SYNE1: variants seen among roughly 807,000 people sequenced by gnomAD.
SYNE1 encodes the protein spectrin repeat containing nuclear envelope protein 1.
A neutral mutation model predicts 1,111.0 loss-of-function variants in SYNE1; 616 were observed. That is an observed-to-expected ratio of 0.55 (90% CI 0.52 to 0.59). SYNE1 has a LOEUF of 0.59. Among genes scored for constraint, SYNE1 ranks in the 20% least tolerant of loss-of-function variants. SYNE1 has a pLI of 0.00. For missense variants in SYNE1, 10,006 were observed against 10,417.0 expected, an observed-to-expected ratio of 0.96 and a Z score of 1.72; for synonymous variants, 3,855 against 3,825.8, an observed-to-expected ratio of 1.01 and a Z score of -0.28.
chr6:152,306,789 G>A (rs902246916), intron 91 of SYNE1, among the ~76,000 whole-genome samples: 28 of 151,364 alleles, frequency 1.8e-4, no homozygotes, highest in Admixed American at 7.9e-4. Context: ...TGGAGGCTGA[G>A]GTGGGAGGAC....
At chr6:152,205,474 G>C (rs2076336336) in intron 126 of SYNE1, among the ~76,000 whole-genome samples, 1 of 152,184 alleles carries the variant, frequency 6.6e-6, no homozygotes, top group African/African-American at 2.4e-5. Context: ...GCTTAGATAG[G>C]CTAAGTTAAC....
At chr6:152,512,931 G>C (rs2099092830) in intron 6 of SYNE1, among the ~76,000 whole-genome samples, 1 of 152,146 alleles carries the variant, frequency 6.6e-6, no homozygotes. Context: ...GGACCATATT[G>C]ACAGATAAAA....
intron 3 of SYNE1, among the ~76,000 whole-genome samples, chr6:152,590,942 C>A (rs1033640321): frequency 6.6e-6 from 1 of 152,110 alleles, no homozygotes. Context: ...GGTAGTCTGA[C>A]AAGAATAGCA....
chr6:152,381,118 T>C lies in SYNE1; in HGVS notation c.8897A>G (p.Glu2966Gly). Residue 2966 changes from glutamate (E) to glycine (G), a missense_variant, in exon 56 of 146, where the codon GAG (glutamate) becomes GGG (glycine). Coordinates refer to ENST00000367255, the MANE Select transcript of SYNE1 (RefSeq NM_182961.4). ...GGCACTGAACTGTTCCAGGGCCTGC[T>C]CCAGTTGAGCCACTTGGCCTGAGAA... ...QEFSGQVAQL[E>G]QALEQFSALL... 6.2e-7 allele frequency: 1 copy of C among 1,614,176 alleles called. No individual in the cohort carries two copies. The highest frequency in any genetic ancestry group is 1.3e-5 in the African/African-American group (1 of 75,042).
chr6:152,333,237 G>C (rs2096289764), intron 77 of SYNE1, among the ~76,000 whole-genome samples: 1 of 152,046 alleles, frequency 6.6e-6, no homozygotes, highest in African/African-American at 2.4e-5. Flanking sequence ...GCTAAGAGGG[G>C]TTCAATAACT....
At position 152,599,773 on chromosome 6, in the gene SYNE1, T is replaced by C. The variant is rs77829841; in HGVS notation, c.67+28492A>G. ...TTACATTGCTATGTCTTCTATTGTTTACTTATCCTACAAAAGCAATGGCAT... is the reference window on the plus strand; with the variant it reads ...TTACATTGCTATGTCTTCTATTGTTCACTTATCCTACAAAAGCAATGGCAT... On this transcript the variant is annotated intron_variant, in intron 3 of 145. Transcript: ENST00000367255. 6.5e-4 allele frequency among the ~76,000 whole-genome samples: 99 copies of C among 152,358 alleles called. 2 individuals carry two copies. The East Asian group carries it at 0.019, about 28-fold the overall frequency.
chr6:152,552,950 T>C (rs1334437289), intron 3 of SYNE1, among the ~76,000 whole-genome samples: 1 of 152,192 alleles, frequency 6.6e-6, no homozygotes, highest in Non-Finnish European at 1.5e-5. Context: ...TGAGTGTCAA[T>C]CCAACCTCAC....
At chr6:152,382,336 G>T (rs973276350) in intron 55 of SYNE1, among the ~76,000 whole-genome samples, 1 of 152,074 alleles carries the variant, frequency 6.6e-6, no homozygotes, top group African/African-American at 2.4e-5. Context: ...CAATTAGCAA[G>T]TAAAGAAACA....
In SYNE1 at chr6:152,262,060, T is replaced by C. The variant is rs1418917785; in HGVS notation, c.18944A>G (p.Asn6315Ser). The C allele has an allele frequency of 6.2e-7, 1 of 1,613,736 alleles. No homozygotes were observed. The part of the protein sequence containing the change: ...EFSTKQKLLQ[N>S]VLEQEQEQVL... ...TTGCTCTTGTTCCTGTTCCAGAACA[T>C]TCTGTAGTAGTTTCTGCTTGGTACT... The change falls in exon 101 of 146, where the codon AAT becomes AGT. Residue 6315 changes from asparagine to serine, a missense_variant. Coordinates refer to ENST00000367255, the MANE Select transcript of SYNE1 (RefSeq NM_182961.4).
intron 145 of SYNE1, chr6:152,125,520 G>A: frequency 2.1e-6 from 2 of 945,152 alleles, no homozygotes; most frequent in South Asian, 2.4e-5. Context: ...AGTGTCTTAA[G>A]AAGGATAGGA....
Position 152,390,371 on chromosome 6 carries a change from T to C in SYNE1, c.8086A>G (p.Asn2696Asp). 2 of 1,614,168 alleles carry C rather than the reference T, an allele frequency of 1.2e-6. No homozygotes were observed. Among genetic ancestry groups the C allele is most frequent in the Non-Finnish European group, 8.5e-7 (1 of 1,180,016 alleles). ...TGAATCACCCTCTGACCTTCTTTGT[T>C]GCTACTTCTCAAGGCCTGTTCCCCC... is the stretch of plus-strand genomic sequence containing the variant. ...GKGEQALRSSNKEGQRVIQTQ... is the reference protein window; with the variant it reads ...GKGEQALRSSDKEGQRVIQTQ... The change falls in exon 53 of 146, where the codon AAC becomes GAC. Residue 2696 changes from asparagine (N) to aspartate (D), a missense_variant. Asn to Asp is a conservative substitution (Grantham distance 23). Coordinates refer to ENST00000367255, the MANE Select transcript of SYNE1 (RefSeq NM_182961.4).
At chr6:152,496,027 AT>A (rs1340225069) in intron 11 of SYNE1, among the ~76,000 whole-genome samples, 1 of 152,054 alleles carries the variant, frequency 6.6e-6, no homozygotes, top group Non-Finnish European at 1.5e-5. Context: ...TTCACTTTGC[AT>A]TTCCAGTGTT....
intron 126 of SYNE1, among the ~76,000 whole-genome samples, chr6:152,203,945 G>A (rs2076007735): frequency 1.3e-5 from 2 of 152,130 alleles, no homozygotes; most frequent in Non-Finnish European, 2.9e-5. Context: ...GCTTATCAAT[G>A]CTAACCATAG....
intron 22 of SYNE1, chr6:152,456,591 A>G (rs2098697901): frequency 3.3e-6 from 1 of 306,088 alleles, no homozygotes; most frequent in African/African-American, 2.2e-5. Context: ...CTAATAAAAA[A>G]AGGCAGCAGA....
chr6:152,503,570 C>A (rs574228612), intron 9 of SYNE1, among the ~76,000 whole-genome samples: 2 of 152,176 alleles, frequency 1.3e-5, no homozygotes, highest in African/African-American at 4.8e-5. Flanking sequence ...TCTTACAGAG[C>A]AATTTATAGA....
Position 152,350,160 on chromosome 6 carries a change from A to C in SYNE1, c.11901+8T>G. The C allele has an allele frequency of 6.2e-7, 1 of 1,612,884 alleles. No homozygotes were observed. On this transcript the variant is annotated splice_region_variant and intron_variant, in intron 72 of 145. Coordinates refer to ENST00000367255, the MANE Select transcript of SYNE1 (RefSeq NM_182961.4). ...TCCCAAAGGCAGCCCTTTAAAGGTC[A>C]GGGGTACCTTGTGGTGGGCCAATTG...
rs2077990318 is a variant in SYNE1 at position 152,213,694 on chromosome 6, A to C, written c.22412T>G (p.Phe7471Cys). 1.2e-6 allele frequency: 2 copies of C among 1,614,028 alleles called. No homozygotes were observed. Among genetic ancestry groups the C allele is most frequent in the South Asian group, 2.2e-5 (2 of 91,088 alleles). Residue 7471 changes from phenylalanine (F) to cysteine (C), a missense_variant, in exon 123 of 146, where the codon TTC (phenylalanine) becomes TGC (cysteine). By Grantham distance (205) the Phe-to-Cys change is radical. Transcript: ENST00000367255. ...TAACTTTTGTTCTGTCTGAACTAGG[A>C]ATTCCATCCATGTTTCACATTTTTC... ...FLEKCETWMEFLVQTEQKLAV... is the reference protein window; with the variant it reads ...FLEKCETWMECLVQTEQKLAV...
chr6:152,569,280 T>C (rs998701745), intron 3 of SYNE1, among the ~76,000 whole-genome samples: 2 of 152,316 alleles, frequency 1.3e-5, no homozygotes, highest in African/African-American at 4.8e-5. Flanking sequence ...GGTGCAGTGG[T>C]TCCCAGCATG....
intron 4 of SYNE1, among the ~76,000 whole-genome samples, chr6:152,530,082 A>G (rs2099188766): frequency 6.6e-6 from 1 of 152,188 alleles, no homozygotes; most frequent in Non-Finnish European, 1.5e-5. Context: ...CTGGGGCAGA[A>G]TATTCCAAGG....
Sources: gnomAD v4.1 joint callset for allele counts (sites outside exome capture counted in the v4.1 genomes callset) on GRCh38, gnomAD v4.1.1 for gene constraint, MANE v1.5 for transcripts, NCBI Gene and HGNC (gene_info 2026-07-23, HGNC 2026-07-21) for gene names.